Variants in SNAP91 observed in about 807,000 individuals in gnomAD.
The protein encoded by SNAP91 is clathrin coat assembly protein AP180.
In SNAP91, 27 loss-of-function variants were observed where a neutral mutation model predicts 100.3. The ratio of observed to expected loss-of-function variants is 0.27; its 90% CI spans 0.20 to 0.37. SNAP91 has a LOEUF of 0.37. SNAP91 is among the 10% of genes least tolerant of loss of function. The probability of loss-of-function intolerance (pLI) is 1.00; values close to 1 mark genes in which losing one functional copy is unlikely to be tolerated. For synonymous variants in SNAP91, 404 were observed against 398.6 expected, an observed-to-expected ratio of 1.01 and a Z score of -0.16; for missense variants, 986 against 1,123.7, an observed-to-expected ratio of 0.88 and a Z score of 1.75.
intron 12 of SNAP91, 101 bp downstream of exon 12, chr6:83,610,549 A>G (rs2095946224): frequency 2.4e-6 from 1 of 413,644 alleles, no homozygotes; most frequent in Non-Finnish European, 4.5e-6. Flanking sequence ...ATGGTTGTAC[A>G]ACAATGTTAA....
chr6:83,556,090 G>GCA, intron 29 of SNAP91, 53 bp downstream of exon 29: 1 of 962,300 alleles, frequency 1.0e-6, no homozygotes, highest in South Asian at 1.4e-5. Context: ...AAATAGCTAA[G>GCA]CATTGTATAG....
Position 83,707,784 on chromosome 6 carries a change from A to AT in SNAP91, c.130+13_130+14insA. ...TGCCGTGCGCATGTCCCTCTTATAT[A>AT]AAGAGATGCTTACAGTCCAGGTGCT... is the stretch of plus-strand genomic sequence containing the variant. On this transcript the variant is annotated intron_variant, in intron 2 of 29. Transcript: ENST00000369694. 6.2e-7 allele frequency: 1 copy of AT among 1,612,476 alleles called. No homozygotes were observed.
At chr6:83,605,947 A>G in intron 13 of SNAP91, 144 bp from the exon 14 acceptor site, 1 of 732,696 alleles carries the variant, frequency 1.4e-6, no homozygotes, top group Non-Finnish European at 2.1e-6. Context: ...GTATAGAGCT[A>G]TAGCATATAC....
At chr6:83,635,611 A>C (rs1456045401) in intron 8 of SNAP91, among the ~76,000 whole-genome samples, 3 of 151,910 alleles carry the variant, frequency 2.0e-5, no homozygotes, top group Non-Finnish European at 2.9e-5. Context: ...AAGACAGTAC[A>C]TCTTTTTTTT....
chr6:83,628,064 T>A lies in SNAP91; in HGVS notation c.766-4722A>T, dbSNP rs149017062. On this transcript the variant is annotated intron_variant, in intron 8 of 29. Transcript: ENST00000369694. ...ATTGTGTCATTCTTATGCCTTTGCA[T>A]CCTCATAGCTTAGCTCCCACTTATA... Among the ~76,000 whole-genome samples, 1,208 of 151,772 alleles carry A rather than the reference T, an allele frequency of 8.0e-3. 14 individuals carry two copies. Among genetic ancestry groups the A allele is most frequent in the African/African-American group, 0.027 (1,120 of 41,400 alleles).
chr6:83,627,280 T>C (rs1348155372), intron 8 of SNAP91, among the ~76,000 whole-genome samples: 2 of 152,096 alleles, frequency 1.3e-5, no homozygotes, highest in Non-Finnish European at 2.9e-5. Context: ...TCTGCATCTA[T>C]GTTTGTCAGG....
intron 2 of SNAP91, among the ~76,000 whole-genome samples, chr6:83,683,228 C>T (rs1266276185): frequency 6.6e-6 from 1 of 152,070 alleles, no homozygotes; most frequent in Admixed American, 6.6e-5. Context: ...AATGGGTGTG[C>T]CTAAGATGAT....
At chr6:83,648,891 G>GT (rs2098077967) in intron 7 of SNAP91, among the ~76,000 whole-genome samples, 1 of 152,050 alleles carries the variant, frequency 6.6e-6, no homozygotes, top group African/African-American at 2.4e-5. Context: ...TCTGTGACTT[G>GT]TATTTTCATT....
At chr6:83,628,017 C>T (rs2097025946) in intron 8 of SNAP91, among the ~76,000 whole-genome samples, 1 of 151,534 alleles carries the variant, frequency 6.6e-6, no homozygotes, top group Non-Finnish European at 1.5e-5. Context: ...CCCACCCTTT[C>T]CCCCTGATTT....
At chr6:83,589,228 T>C (rs2093359760) in intron 22 of SNAP91, among the ~76,000 whole-genome samples, 2 of 152,168 alleles carry the variant, frequency 1.3e-5, no homozygotes, top group South Asian at 4.1e-4. Flanking sequence ...CTGTAGCCAA[T>C]TGGAAGCTGA....
intron 2 of SNAP91, among the ~76,000 whole-genome samples, chr6:83,679,054 C>T (rs2098950862): frequency 6.6e-6 from 1 of 151,800 alleles, no homozygotes; most frequent in African/African-American, 2.4e-5. Flanking sequence ...CACACACACA[C>T]ACAAAATACA....
At chr6:83,574,207 A>G (rs1813877784) in intron 26 of SNAP91, among the ~76,000 whole-genome samples, 1 of 152,220 alleles carries the variant, frequency 6.6e-6, no homozygotes, top group African/African-American at 2.4e-5. Context: ...GAAAACTGCC[A>G]GTAAGTTTGG....
chr6:83,553,554 C>T lies in SNAP91; in HGVS notation c.*742G>A, dbSNP rs898229382. 12 of 151,830 alleles carry T rather than the reference C, an allele frequency of 7.9e-5. No individual in the cohort carries two copies. Among genetic ancestry groups the T allele is most frequent in the African/African-American group, 2.9e-4 (12 of 41,346 alleles). The allele number at this position is 151,830 out of a possible 1,614,324, so 9.4% of individuals were successfully genotyped here. On this transcript the variant is annotated 3_prime_UTR_variant, in exon 30 of 30. Transcript: ENST00000369694. ...TTTAATCAAGAATGAATAAATAGGT[C>T]AATTTAGATGCAAAACCTGTCAAAT...
intron 2 of SNAP91, chr6:83,686,924 G>A (rs1353606845): frequency 2.6e-5 from 4 of 152,094 alleles, no homozygotes; most frequent in African/African-American, 9.7e-5. Context: ...TTGTGTTGAT[G>A]GGCCTGAAAG....
In SNAP91 at chr6:83,659,056, CT is replaced by C; in HGVS notation, c.488del (p.Lys163SerfsTer3). On this transcript the variant is annotated frameshift_variant, in exon 6 of 30. Coordinates refer to ENST00000369694, the MANE Select transcript of SNAP91 (RefSeq NM_001242792.2). LOFTEE classifies it high-confidence loss of function. ...DGVMRTMAPE[K>X]LLKSMPILQG... is the part of the protein sequence containing the mutation. ...GTAGTATTGGCATACTCTTTAGCAG[CT>C]TTTCGGGAGCCATTGTCCTCATTAC... The C allele has an allele frequency of 6.2e-7, 1 of 1,606,168 alleles. No homozygotes were observed.
At chr6:83,682,172 C>CTTTT (rs59549595) in intron 2 of SNAP91, among the ~76,000 whole-genome samples, 2 of 123,498 alleles carry the variant, frequency 1.6e-5, no homozygotes, top group Non-Finnish European at 3.3e-5. Flanking sequence ...TTCTTTAATT[C>CTTTT]TTTTTTTTTT....
At chr6:83,659,758 T>C (rs1475119263) in intron 5 of SNAP91, among the ~76,000 whole-genome samples, 1 of 143,636 alleles carries the variant, frequency 7.0e-6, no homozygotes, top group East Asian at 3.0e-4. Flanking sequence ...AAAAAGCCAG[T>C]TTTTTTTTCT....
At chr6:83,701,035 T>C (rs1288135834) in intron 2 of SNAP91, among the ~76,000 whole-genome samples, 1 of 152,228 alleles carries the variant, frequency 6.6e-6, no homozygotes, top group African/African-American at 2.4e-5. Context: ...AATTATGCCA[T>C]TCAAAGACAT....
At chr6:83,665,252 C>T (rs2098658063) in intron 3 of SNAP91, among the ~76,000 whole-genome samples, 187 bp downstream of exon 3, 1 of 151,962 alleles carries the variant, frequency 6.6e-6, no homozygotes, top group Admixed American at 6.6e-5. Flanking sequence ...CAATGTCTAA[C>T]TTAAAGTTTA....
Sources: gnomAD v4.1 joint callset for allele counts (sites outside exome capture counted in the v4.1 genomes callset) on GRCh38, gnomAD v4.1.1 for gene constraint, MANE v1.5 for transcripts, NCBI Gene and HGNC (gene_info 2026-07-23, HGNC 2026-07-21) for gene names.